TAF3: variants seen among roughly 807,000 people sequenced by gnomAD.
TAF3 encodes the protein TATA-box binding protein associated factor 3, also known as transcription initiation factor TFIID subunit 3.
In TAF3, 7 loss-of-function variants were observed where a neutral mutation model predicts 80.6. The ratio of observed to expected loss-of-function variants is 0.09; its 90% CI spans 0.05 to 0.16. The LOEUF (loss-of-function observed/expected upper bound fraction) is 0.16, where lower values mean the gene tolerates loss of function less well. Among genes scored for constraint, TAF3 ranks in the 10% least tolerant of loss-of-function variants. The pLI is 1.00. For missense variants in TAF3, 921 were observed against 1,140.2 expected (o/e 0.81, Z 2.77); for synonymous variants, 444 against 446.1 (o/e 1.00, Z 0.06).
Position 7,846,019 on chromosome 10 carries a change from C to T in TAF3, c.409+21459C>T, listed in dbSNP as rs1301089220. Among the ~76,000 whole-genome samples the T allele has an allele frequency of 6.3e-5, 9 of 143,978 alleles. No individual in the cohort carries two copies. The East Asian group carries it at 1.5e-3, about 24-fold the overall frequency. 94.5% of individuals were successfully genotyped at this position (143,978 alleles called of 152,430 possible). A position where few individuals can be genotyped will look rare whatever the true frequency, so the allele number is the denominator to read the frequency against. Reference sequence around the variant, plus strand: ...TGTCACCCAGGCTGGAGTGCAGTGGCGCAATCTCGGCTCACTGCAAGCTCC... The same window carrying T: ...TGTCACCCAGGCTGGAGTGCAGTGGTGCAATCTCGGCTCACTGCAAGCTCC... On this transcript the variant is annotated intron_variant, in intron 2 of 6. Coordinates refer to ENST00000344293, the MANE Select transcript of TAF3 (RefSeq NM_031923.4).
intron 2 of TAF3, among the ~76,000 whole-genome samples, chr10:7,886,553 T>G (rs1403975449): frequency 2.6e-5 from 4 of 152,258 alleles, no homozygotes; most frequent in Admixed American, 6.5e-5. Flanking sequence ...TATATGACAT[T>G]GTGAAGACCT....
intron 2 of TAF3, among the ~76,000 whole-genome samples, chr10:7,860,612 C>A (rs915870386): frequency 1.3e-5 from 2 of 152,114 alleles, no homozygotes; most frequent in African/African-American, 4.8e-5. Context: ...TTCTTTTATA[C>A]ATTGTTTTCA....
chr10:7,986,776 G>GCA (rs1831782527), intron 4 of TAF3, among the ~76,000 whole-genome samples: 1 of 152,074 alleles, frequency 6.6e-6, no homozygotes, highest in African/African-American at 2.4e-5. Flanking sequence ...CTCACCCCAA[G>GCA]CAAAGATACC....
At chr10:7,842,177 T>G (rs1176883520) in intron 2 of TAF3, among the ~76,000 whole-genome samples, 3 of 70,974 alleles carry the variant, frequency 4.2e-5, no homozygotes, top group Admixed American at 1.4e-4. Flanking sequence ...TTTTTTTTTG[T>G]TTTTTTTTTT....
intron 2 of TAF3, among the ~76,000 whole-genome samples, chr10:7,854,836 A>T (rs1011516488): frequency 6.6e-6 from 1 of 152,170 alleles, no homozygotes; most frequent in Non-Finnish European, 1.5e-5. Context: ...GAACATTTAG[A>T]TTGTAGTGTG....
intron 4 of TAF3, among the ~76,000 whole-genome samples, chr10:8,000,770 C>A (rs1433030915): frequency 6.6e-6 from 1 of 152,158 alleles, no homozygotes; most frequent in African/African-American, 2.4e-5. Flanking sequence ...CAGAGTGAGA[C>A]CCTGCCTCAA....
intron 2 of TAF3, among the ~76,000 whole-genome samples, chr10:7,878,867 A>G (rs1355034231): frequency 6.6e-6 from 1 of 152,082 alleles, no homozygotes; most frequent in Non-Finnish European, 1.5e-5. Flanking sequence ...AGCTGGGACC[A>G]CAGGCACACA....
At chr10:7,840,263 C>T (rs1357666073) in intron 2 of TAF3, among the ~76,000 whole-genome samples, 1 of 151,948 alleles carries the variant, frequency 6.6e-6, no homozygotes, top group African/African-American at 2.4e-5. Context: ...CGCCATTCTC[C>T]TGCCTCAGCC....
At chr10:7,937,262 T>G (rs1291681892) in intron 2 of TAF3, among the ~76,000 whole-genome samples, 1 of 152,238 alleles carries the variant, frequency 6.6e-6, no homozygotes. Context: ...ACTGCCAAAC[T>G]GTCTTCCTAA....
At chr10:7,965,763 G>A in intron 3 of TAF3, 21 bp downstream of exon 3, 2 of 1,516,386 alleles carry the variant, frequency 1.3e-6, no homozygotes, top group Non-Finnish European at 1.8e-6. Flanking sequence ...TCTCATTTTT[G>A]GCCCTATCTG....
intron 2 of TAF3, among the ~76,000 whole-genome samples, chr10:7,957,129 G>A (rs1838143584): frequency 6.6e-6 from 1 of 152,116 alleles, no homozygotes; most frequent in Non-Finnish European, 1.5e-5. Flanking sequence ...AGCGGAAAAG[G>A]TGACATCACT....
intron 4 of TAF3, among the ~76,000 whole-genome samples, chr10:7,987,165 T>C (rs1003439064): frequency 2.6e-5 from 4 of 152,006 alleles, no homozygotes; most frequent in Non-Finnish European, 4.4e-5. Context: ...CTACAAAAAA[T>C]AGAAAAATTA....
chr10:7,910,603 A>G (rs368269711), intron 2 of TAF3, among the ~76,000 whole-genome samples: 179 of 152,134 alleles, frequency 1.2e-3, no homozygotes, highest in African/African-American at 4.1e-3. Context: ...CTGGTCTCCA[A>G]CTCCTGACCT....
chr10:7,987,969 G>A (rs1831794385), intron 4 of TAF3, among the ~76,000 whole-genome samples: 1 of 152,076 alleles, frequency 6.6e-6, no homozygotes, highest in Non-Finnish European at 1.5e-5. Context: ...TAATACTACA[G>A]AGAATTGCCT....
At chr10:7,950,883 G>A (rs917931066) in intron 2 of TAF3, among the ~76,000 whole-genome samples, 1 of 152,204 alleles carries the variant, frequency 6.6e-6, no homozygotes. Context: ...TAGTGCTGAA[G>A]TCCTGTCTAG....
At chr10:7,933,043 T>C (rs1004517316) in intron 2 of TAF3, among the ~76,000 whole-genome samples, 3 of 151,576 alleles carry the variant, frequency 2.0e-5, no homozygotes, top group Admixed American at 6.6e-5. Context: ...TAAATCCTTA[T>C]AGTTGGATAT....
At chr10:7,847,794 G>A (rs1225143945) in intron 2 of TAF3, among the ~76,000 whole-genome samples, 2 of 152,188 alleles carry the variant, frequency 1.3e-5, no homozygotes, top group East Asian at 1.9e-4. Flanking sequence ...TGAGACAAGA[G>A]TTTCGCTCTG....
intron 2 of TAF3, among the ~76,000 whole-genome samples, chr10:7,910,662 T>A (rs1219145033): frequency 6.6e-6 from 1 of 152,190 alleles, no homozygotes; most frequent in African/African-American, 2.4e-5. Context: ...ATTACAGGTG[T>A]GAGCCACCGC....
intron 2 of TAF3, among the ~76,000 whole-genome samples, chr10:7,846,220 G>A (rs1836971175): frequency 6.6e-6 from 1 of 152,126 alleles, no homozygotes; most frequent in African/African-American, 2.4e-5. Flanking sequence ...GCCTCCCGAA[G>A]TGCTGGCATT....
Sources: allele counts gnomAD v4.1 joint callset (sites outside exome capture counted in the v4.1 genomes callset), GRCh38; gene constraint gnomAD v4.1.1; transcripts MANE v1.5; gene names NCBI Gene and HGNC (gene_info 2026-07-23, HGNC 2026-07-21).